Variants in AMOTL2 observed in about 807,000 individuals in gnomAD.
AMOTL2 encodes the protein angiomotin-like protein 2.
In AMOTL2, 33 loss-of-function variants were observed where a neutral mutation model predicts 78.4. The observed-to-expected ratio is 0.42, with a 90% CI of 0.32 to 0.56. The LOEUF (loss-of-function observed/expected upper bound fraction) is 0.56, where lower values mean the gene tolerates loss of function less well. Ranked by LOEUF, AMOTL2 falls within the 20% of genes least tolerant of loss-of-function variation. The probability of loss-of-function intolerance (pLI) is 0.12; values close to 1 mark genes in which losing one functional copy is unlikely to be tolerated. For missense variants in AMOTL2, 983 were observed against 1,030.1 expected, an observed-to-expected ratio of 0.95 and a Z score of 0.63; for synonymous variants, 422 against 428.8, an observed-to-expected ratio of 0.98 and a Z score of 0.20.
upstream of AMOTL2, chr3:134,374,574 ACCGCCCTCCT>A (rs1559806644): frequency 1.0e-6 from 1 of 985,160 alleles, no homozygotes; most frequent in African/African-American, 1.8e-5. Flanking sequence ...CTCTCAGCGC[ACCGCCCTCCT>A]CCGCCCTCCG....
intron 5 of AMOTL2, among the ~76,000 whole-genome samples, chr3:134,364,313 G>A (rs905238031): frequency 6.6e-6 from 1 of 151,956 alleles, no homozygotes; most frequent in Admixed American, 6.5e-5. Context: ...GCCAAGAACA[G>A]CTCGGCGCTC....
At chr3:134,361,350 CAG>C (rs2017351381) in intron 6 of AMOTL2, among the ~76,000 whole-genome samples, 160 bp downstream of exon 6, 1 of 152,226 alleles carries the variant, frequency 6.6e-6, no homozygotes, top group African/African-American at 2.4e-5. Context: ...AAAGGTGGAG[CAG>C]AGAGCAATCA....
rs1435519640 is a variant in AMOTL2 at position 134,365,810 on chromosome 3, T to A, written c.1279+7A>T. On this transcript the variant is annotated splice_region_variant and intron_variant, in intron 5 of 9. Coordinates refer to ENST00000249883, the MANE Select transcript of AMOTL2 (RefSeq NM_016201.4). ...AGGCCAGGCTTCTTAGTGGGGCCCC[T>A]ACTCACTCTGAGCAAGCAGCTTGGC... 3 of 1,613,540 alleles carry A rather than the reference T, an allele frequency of 1.9e-6. No homozygotes were observed. The highest frequency in any genetic ancestry group is 2.5e-6 in the Non-Finnish European group (3 of 1,179,738).
intron 4 of AMOTL2, 73 bp downstream of exon 4, chr3:134,366,209 AT>A: frequency 6.4e-7 from 1 of 1,550,940 alleles, no homozygotes. Flanking sequence ...GAGATTCCCA[AT>A]TTTTCTCTAG....
chr3:134,374,393 G>C lies in AMOTL2; in HGVS notation c.-113C>G. On this transcript the variant is annotated 5_prime_UTR_variant, in exon 1 of 10. Transcript: ENST00000249883. ...AGTCAGACACCACAACCTCCGGCTC[G>C]GCCCAGCTCAGCTCGGCGGCGAAGA... 2 of 985,138 alleles carry C rather than the reference G, an allele frequency of 2.0e-6. No homozygotes were observed. Among genetic ancestry groups the C allele is most frequent in the Non-Finnish European group, 2.4e-6 (2 of 829,878 alleles). The allele number at this position is 985,138 out of a possible 1,614,324, so 61.0% of individuals were successfully genotyped here.
Position 134,361,676 on chromosome 3 carries a change from G to A in AMOTL2, c.1411C>T (p.Arg471Ter), listed in dbSNP as rs775506732. 1 of 1,611,398 alleles carries A rather than the reference G, an allele frequency of 6.2e-7. No homozygotes were observed. Among genetic ancestry groups the A allele is most frequent in the Non-Finnish European group, 8.5e-7 (1 of 1,179,868 alleles). The change falls in exon 6 of 10, where the codon CGA (arginine) becomes TGA (stop). Residue 471 changes from arginine (R) to a stop codon, truncating the protein, a stop_gained. Transcript: ENST00000249883. LOFTEE classifies it high-confidence loss of function. ...TTCTTGCGCAGCTCCTCTTCGGCTC[G>A]AGCTGCCCGGCCCTGCGCATTGCCC... ...ALGNAQGRAA[R>*]AEEELRKKQA...
chr3:134,366,865 A>C, intron 3 of AMOTL2: 1 of 161,810 alleles, frequency 6.2e-6, no homozygotes, highest in East Asian at 1.9e-4. Context: ...CAGGACAGTC[A>C]AGGGAGGCCT....
At position 134,371,118 on chromosome 3, in the gene AMOTL2, T is replaced by C. The variant is rs773253419; in HGVS notation, c.316A>G (p.Thr106Ala). Residue 106 changes from threonine to alanine, a missense_variant, in exon 2 of 10, where the codon ACC (threonine) becomes GCC (alanine). By Grantham distance (58) the Thr-to-Ala change is moderately conservative. Transcript: ENST00000249883. ...GAGTGGGCTTTGGCCTCCTCATAGGTGGGCAGCTCCTCTCCCTTGCTGGGC... is the reference window on the plus strand; with the variant it reads ...GAGTGGGCTTTGGCCTCCTCATAGGCGGGCAGCTCCTCTCCCTTGCTGGGC... ...PQPSKGEELP[T>A]YEEAKAHSQY... 6.2e-7 allele frequency: 1 copy of C among 1,613,346 alleles called. No individual in the cohort carries two copies. Among genetic ancestry groups the C allele is most frequent in the East Asian group, 2.2e-5 (1 of 44,852 alleles).
chr3:134,369,357 A>T (rs2017751490), intron 2 of AMOTL2, among the ~76,000 whole-genome samples: 1 of 150,748 alleles, frequency 6.6e-6, no homozygotes, highest in Non-Finnish European at 1.5e-5. Context: ...AAGAATAGCA[A>T]CTCCTTTCCC....
chr3:134,357,793 C>T, intron 9 of AMOTL2, 30 bp from the exon 10 acceptor site: 13 of 1,604,586 alleles, frequency 8.1e-6, no homozygotes, highest in Non-Finnish European at 1.1e-5. Flanking sequence ...CAGGCACATG[C>T]CAATGAGTGT....
Position 134,356,840 on chromosome 3 carries a change from T to C in AMOTL2, c.*865A>G, listed in dbSNP as rs897325042. 5.8e-4 allele frequency: 88 copies of C among 151,834 alleles called. No individual in the cohort carries two copies. Among genetic ancestry groups the C allele is most frequent in the African/African-American group, 2.1e-3 (85 of 41,198 alleles). The allele number at this position is 151,834 out of a possible 1,614,324, so 9.4% of individuals were successfully genotyped here. A position where few individuals can be genotyped will look rare whatever the true frequency, so the allele number is the denominator to read the frequency against. On this transcript the variant is annotated 3_prime_UTR_variant, in exon 10 of 10. Coordinates refer to ENST00000249883, the MANE Select transcript of AMOTL2 (RefSeq NM_016201.4). ...CACTTCAAGAGGCTGGTGGTGGGGG[T>C]CCCGTGGGCATTTATAGGGCTCAAG...
At position 134,356,401 on chromosome 3, in the gene AMOTL2, G is replaced by T. The variant is rs1382491901; in HGVS notation, c.*1304C>A. 1 of 152,538 alleles carries T rather than the reference G, an allele frequency of 6.6e-6. No individual in the cohort carries two copies. The highest frequency in any genetic ancestry group is 1.9e-4 in the East Asian group (1 of 5,198). The allele number at this position is 152,538 out of a possible 1,614,324, so 9.4% of individuals were successfully genotyped here. A position where few individuals can be genotyped will look rare whatever the true frequency, so the allele number is the denominator to read the frequency against. The stretch of plus-strand genomic sequence containing the variant: ...AATAGCTCCTGGGGCTGAAGTGAGG[G>T]ACTCTTTAAGACCAGAAGTCAAAGT... On this transcript the variant is annotated 3_prime_UTR_variant, in exon 10 of 10. Transcript: ENST00000249883.
chr3:134,359,340 G>T lies in AMOTL2; in HGVS notation c.2047C>A (p.Gln683Lys). The T allele has an allele frequency of 1.2e-6, 2 of 1,614,214 alleles. No individual in the cohort carries two copies. The highest frequency in any genetic ancestry group is 1.7e-6 in the Non-Finnish European group (2 of 1,180,038). Reference protein sequence around the residue: ...AAAAAGTQGWQGLSSSERQTA... With the variant: ...AAAAAGTQGWKGLSSSERQTA... ...TGTCGCTCACTAGAAGAGAGCCCTT[G>T]CCAGCCCTGGGTTCCTGCTGCCGCA... is the stretch of plus-strand genomic sequence containing the variant. The change falls in exon 8 of 10, where the codon CAA becomes AAA. Residue 683 changes from glutamine (Q) to lysine (K), a missense_variant. Physicochemically the swap from Gln to Lys is moderately conservative, Grantham distance 53. Coordinates refer to ENST00000249883, the MANE Select transcript of AMOTL2 (RefSeq NM_016201.4).
At position 134,366,413 on chromosome 3, in the gene AMOTL2, G is replaced by C; in HGVS notation, c.1056C>G (p.Ile352Met). ...AGRIEKLESE[I>M]QRLSEAHESL... ...TCTCATGGGCCTCAGAGAGCCGCTG[G>C]ATTTCGCTTTCCAGCTGCAAGAGTC... The change falls in exon 4 of 10, where the codon ATC becomes ATG. Residue 352 changes from isoleucine to methionine, a missense_variant. Transcript: ENST00000249883. 6.2e-7 allele frequency: 1 copy of C among 1,612,648 alleles called. No homozygotes were observed. The highest frequency in any genetic ancestry group is 1.3e-5 in the African/African-American group (1 of 74,972).
At chr3:134,370,646 G>T (rs1434096654) in intron 2 of AMOTL2, 54 bp downstream of exon 2, 5 of 1,494,478 alleles carry the variant, frequency 3.3e-6, no homozygotes, top group East Asian at 2.3e-5. Context: ...CTCCCTGAGA[G>T]ACCTGTGCTG....
chr3:134,355,402 G>A lies in AMOTL2; in HGVS notation c.*2303C>T, dbSNP rs2017043811. On this transcript the variant is annotated 3_prime_UTR_variant, in exon 10 of 10. Coordinates refer to ENST00000249883, the MANE Select transcript of AMOTL2 (RefSeq NM_016201.4). ...AGCAATATGCTTTCCTGAGCATCAGGAAAGAGTGGTGATGTCACAGCAAAG... is the reference window on the plus strand; with the variant it reads ...AGCAATATGCTTTCCTGAGCATCAGAAAAGAGTGGTGATGTCACAGCAAAG... Among the ~76,000 whole-genome samples, 1 of 152,228 alleles carries A rather than the reference G, an allele frequency of 6.6e-6. No individual in the cohort carries two copies. Among genetic ancestry groups the A allele is most frequent in the Non-Finnish European group, 1.5e-5 (1 of 68,042 alleles).
At position 134,370,924 on chromosome 3, in the gene AMOTL2, G is replaced by T. The variant is rs768005682; in HGVS notation, c.510C>A (p.Asn170Lys). ...ERLLQLSLERNGARAPSHMSS... is the reference protein window; with the variant it reads ...ERLLQLSLERKGARAPSHMSS... ...TCATGTGGCTGGGGGCCCGGGCGCC[G>T]TTCCTCTCCAGGGACAACTGAAGGA... Residue 170 changes from asparagine to lysine, a missense_variant, in exon 2 of 10, where the codon AAC becomes AAA. Coordinates refer to ENST00000249883, the MANE Select transcript of AMOTL2 (RefSeq NM_016201.4). 6.2e-7 allele frequency: 1 copy of T among 1,611,730 alleles called. No homozygotes were observed. Among genetic ancestry groups the T allele is most frequent in the East Asian group, 2.2e-5 (1 of 44,876 alleles).
At chr3:134,374,757 G>T, upstream of AMOTL2, 1 of 996,286 alleles carries the variant, frequency 1.0e-6, no homozygotes, top group Non-Finnish European at 1.2e-6. Context: ...AGCTGCTGGA[G>T]ACAATTTAAT....
At position 134,360,186 on chromosome 3, in the gene AMOTL2, A is replaced by G. The variant is rs140871979; in HGVS notation, c.1803T>C (p.His601=). 3.7e-6 allele frequency: 6 copies of G among 1,613,972 alleles called. No homozygotes were observed. The African/African-American group carries it at 5.3e-5, about 14-fold the overall frequency. ...AAQRDTTLIR[H]SPQPSPSSSF... ...TGCTGCTGGGTGAGGGCTGGGGGGA[A>G]TGTCGGATGAGAGTGGTGTCACGCT... The change falls in exon 7 of 10, where the codon CAT becomes CAC. Residue 601 remains histidine, a synonymous_variant. Coordinates refer to ENST00000249883, the MANE Select transcript of AMOTL2 (RefSeq NM_016201.4).
Sources: gnomAD v4.1 joint callset for allele counts (sites outside exome capture counted in the v4.1 genomes callset) on GRCh38, gnomAD v4.1.1 for gene constraint, MANE v1.5 for transcripts, NCBI Gene and HGNC (gene_info 2026-07-23, HGNC 2026-07-21) for gene names.